Variants in BMP2K observed in about 807,000 individuals in gnomAD.
BMP2K encodes BMP2 inducible kinase.
A neutral mutation model predicts 116.0 loss-of-function variants in BMP2K; 74 were observed. That is an observed-to-expected ratio of 0.64 (90% CI 0.53 to 0.77). The LOEUF (loss-of-function observed/expected upper bound fraction) is 0.77. Among genes scored for constraint, BMP2K ranks in the 30% least tolerant of loss-of-function variants. The pLI is 0.00. For missense variants in BMP2K, 1,365 were observed against 1,403.6 expected, an observed-to-expected ratio of 0.97 and a Z score of 0.44; for synonymous variants, 486 against 502.5, an observed-to-expected ratio of 0.97 and a Z score of 0.44.
At chr4:78,829,853 T>TCTCTTCTTG (rs1409765031) in intron 2 of BMP2K, among the ~76,000 whole-genome samples, 1 of 150,084 alleles carries the variant, frequency 6.7e-6, no homozygotes, top group Non-Finnish European at 1.5e-5. Context: ...TTCTCTTCTT[T>TCTCTTCTTG]TTTTCTTTTC....
chr4:78,802,573 T>C (rs548635125), intron 1 of BMP2K, among the ~76,000 whole-genome samples: 2 of 152,306 alleles, frequency 1.3e-5, no homozygotes, highest in African/African-American at 4.8e-5. Context: ...ACCTGGAATG[T>C]TTATCTTTTA....
chr4:78,853,373 A>G (rs1353239121), intron 7 of BMP2K, among the ~76,000 whole-genome samples: 1 of 152,138 alleles, frequency 6.6e-6, no homozygotes, highest in Non-Finnish European at 1.5e-5. Context: ...TTTTCTTCTT[A>G]AAAGTAGTGG....
chr4:78,915,862 A>G lies in BMP2K; in HGVS notation c.*3829A>G, dbSNP rs749273524. The G allele has an allele frequency of 2.6e-5, 4 of 151,910 alleles. No homozygotes were observed. Among genetic ancestry groups the G allele is most frequent in the Non-Finnish European group, 4.4e-5 (3 of 67,860 alleles). The allele number at this position is 151,910 out of a possible 1,614,324, so 9.4% of individuals were successfully genotyped here. ...TTTTGAAAGAATTGTTTTTATGACT[A>G]TGCTCTTTTTGTGATTGAAAAGTCA... On this transcript the variant is annotated 3_prime_UTR_variant, in exon 16 of 16. Transcript: ENST00000502613.
chr4:78,910,730 C>G lies in BMP2K; in HGVS notation c.2183C>G (p.Ser728Ter). Residue 728 changes from serine (S) to a stop codon, truncating the protein, a stop_gained, in exon 16 of 16, where the codon TCA (serine) becomes TGA (stop). Transcript: ENST00000502613. LOFTEE classifies it low-confidence loss of function (END_TRUNC). ...GATCAGCGGACTGGAAAGAAAACCT[C>G]AGTACAGGGTCAAGTGCAAAAGGGG... ...SKDQRTGKKT[S>*]VQGQVQKGND... 1 of 1,613,704 alleles carries G rather than the reference C, an allele frequency of 6.2e-7. No individual in the cohort carries two copies. Among genetic ancestry groups the G allele is most frequent in the Non-Finnish European group, 8.5e-7 (1 of 1,179,800 alleles).
intron 1 of BMP2K, among the ~76,000 whole-genome samples, chr4:78,784,541 CAT>C (rs955831578): frequency 6.6e-6 from 1 of 152,212 alleles, no homozygotes; most frequent in African/African-American, 2.4e-5. Flanking sequence ...TCAGTCAGCA[CAT>C]GTCTGCTAAC....
At position 78,911,647 on chromosome 4, in the gene BMP2K, G is replaced by C. The variant is rs2110111243; in HGVS notation, c.3100G>C (p.Glu1034Gln). Reference sequence around the variant, plus strand: ...CCGCCGAGACTCTCAAAGTAGCAATGAATTTTTAACCATCTCAGACTCCAA... The same window carrying C: ...CCGCCGAGACTCTCAAAGTAGCAATCAATTTTTAACCATCTCAGACTCCAA... ...VGRRDSQSSN[E>Q]FLTISDSKEN... Residue 1034 changes from glutamate (E) to glutamine (Q), a missense_variant, in exon 16 of 16, where the codon GAA becomes CAA. This residue lies in a region of BMP2K where 596 missense variants were observed against 623.2 expected (regional missense o/e 0.96). Transcript: ENST00000502613. 14 of 1,613,976 alleles carry C rather than the reference G, an allele frequency of 8.7e-6. No homozygotes were observed. The highest frequency in any genetic ancestry group is 1.2e-5 in the Non-Finnish European group (14 of 1,179,874).
intron 6 of BMP2K, among the ~76,000 whole-genome samples, chr4:78,849,337 C>A (rs563852033): frequency 6.6e-6 from 1 of 151,500 alleles, no homozygotes; most frequent in Admixed American, 6.6e-5. Flanking sequence ...AAGGGAAATA[C>A]CTTTGATGTG....
intron 2 of BMP2K, among the ~76,000 whole-genome samples, chr4:78,828,184 C>T (rs1446291060): frequency 8.5e-5 from 13 of 152,178 alleles, no homozygotes; most frequent in African/African-American, 3.1e-4. Context: ...CACCTTCTAA[C>T]TTAAAGTTGC....
In BMP2K at chr4:78,864,907, A is replaced by G. The variant is rs376706746; in HGVS notation, c.1068-650A>G. 2.6e-5 allele frequency among the ~76,000 whole-genome samples: 4 copies of G among 152,070 alleles called. No homozygotes were observed. In the East Asian group the frequency reaches 7.7e-4, roughly 29 times the overall value. ...AAAAGCAAATGTTGGTGTCTTCTCA[A>G]ATTATATTTATTGTTTCTTGATTTC... On this transcript the variant is annotated intron_variant, in intron 9 of 15. Coordinates refer to ENST00000502613, the MANE Select transcript of BMP2K (RefSeq NM_198892.2).
chr4:78,830,317 A>G (rs1279392542), intron 2 of BMP2K, among the ~76,000 whole-genome samples: 3 of 152,232 alleles, frequency 2.0e-5, no homozygotes, highest in Non-Finnish European at 4.4e-5. Context: ...TCAGTAAACC[A>G]TGCTGGAAAC....
chr4:78,811,256 AGTT>A (rs1729074931), intron 1 of BMP2K, among the ~76,000 whole-genome samples: 1 of 152,212 alleles, frequency 6.6e-6, no homozygotes, highest in Non-Finnish European at 1.5e-5. Flanking sequence ...GTTTATCTGT[AGTT>A]GTTAACATGA....
chr4:78,808,903 G>A (rs1258618136), intron 1 of BMP2K, among the ~76,000 whole-genome samples: 1 of 152,078 alleles, frequency 6.6e-6, no homozygotes, highest in Non-Finnish European at 1.5e-5. Flanking sequence ...CGTTCTGTGT[G>A]GACTTGATAA....
Position 78,916,288 on chromosome 4 carries a change from T to C in BMP2K, c.*4255T>C, listed in dbSNP as rs1214961071. On this transcript the variant is annotated 3_prime_UTR_variant, in exon 16 of 16. Transcript: ENST00000502613. The stretch of plus-strand genomic sequence containing the variant: ...TGTTTGAAATTTAAAGTTATTTTCT[T>C]ACTGTATTTATCATACCTGTTTTAA... 6.6e-6 allele frequency: 1 copy of C among 151,990 alleles called. No homozygotes were observed. The highest frequency in any genetic ancestry group is 2.4e-5 in the African/African-American group (1 of 41,446). 9.4% of individuals were successfully genotyped at this position (151,990 alleles called of 1,614,324 possible).
chr4:78,880,813 G>A (rs1732853980), intron 14 of BMP2K, among the ~76,000 whole-genome samples: 1 of 152,180 alleles, frequency 6.6e-6, no homozygotes, highest in Admixed American at 6.5e-5. Flanking sequence ...GCATGTGTCT[G>A]TGTGCACATG....
At chr4:78,880,525 A>T (rs1199710593) in intron 14 of BMP2K, among the ~76,000 whole-genome samples, 2 of 152,234 alleles carry the variant, frequency 1.3e-5, no homozygotes, top group Non-Finnish European at 2.9e-5. Flanking sequence ...AATTATTTTT[A>T]AAAAATGAAT....
rs376456858 is a variant in BMP2K at position 78,858,715 on chromosome 4, GAA to G, written c.884-868_884-867del. 4.0e-4 allele frequency among the ~76,000 whole-genome samples: 60 copies of G among 151,822 alleles called. 1 individual carries two copies. In the South Asian group the frequency reaches 0.012, roughly 31 times the overall value. ...TACATTATTTTATTAGCAAACTTAA[GAA>G]TATCTAATTCTTTAAATTTTACATT... On this transcript the variant is annotated intron_variant, in intron 7 of 15. Transcript: ENST00000502613.
chr4:78,815,172 A>C (rs529691882), intron 1 of BMP2K, among the ~76,000 whole-genome samples: 1 of 152,178 alleles, frequency 6.6e-6, no homozygotes, highest in Non-Finnish European at 1.5e-5. Context: ...AGTCGAAACT[A>C]TACACTTTGG....
At chr4:78,833,748 T>A in intron 3 of BMP2K, 61 bp downstream of exon 3, 1 of 1,078,284 alleles carries the variant, frequency 9.3e-7, no homozygotes, top group Non-Finnish European at 1.4e-6. Context: ...GGTTACTAGG[T>A]ATCTTTGTTA....
intron 3 of BMP2K, among the ~76,000 whole-genome samples, chr4:78,836,255 A>G (rs547260927): frequency 1.3e-5 from 2 of 151,994 alleles, no homozygotes; most frequent in Admixed American, 1.3e-4. Flanking sequence ...TTCTCTACTA[A>G]AAATACAAAA....
Sources: allele counts gnomAD v4.1 joint callset (sites outside exome capture counted in the v4.1 genomes callset), GRCh38; gene constraint gnomAD v4.1.1; regional missense constraint gnomAD v4.1.1; transcripts MANE v1.5; gene names NCBI Gene and HGNC (gene_info 2026-07-23, HGNC 2026-07-21).